MPP3: variants seen among roughly 807,000 people sequenced by gnomAD.
MPP3 encodes the protein MAGUK p55 subfamily member 3.
In MPP3, 48 loss-of-function variants were observed where a neutral mutation model predicts 80.7. The ratio of observed to expected loss-of-function variants is 0.59; its 90% CI spans 0.47 to 0.76. The LOEUF is 0.76. Among genes scored for constraint, MPP3 ranks in the 30% least tolerant of loss-of-function variants. MPP3 has a pLI of 0.00. For synonymous variants in MPP3, 311 were observed against 297.6 expected (o/e 1.04, Z -0.46); for missense variants, 620 against 763.0 (o/e 0.81, Z 2.21).
At chr17:43,823,784 G>C (rs1948566943) in intron 10 of MPP3, 147 bp downstream of exon 10, 3 of 586,260 alleles carry the variant, frequency 5.1e-6, no homozygotes. Flanking sequence ...CGGAATTAAA[G>C]TCCTCCACTG....
At chr17:43,832,013 A>AGTAGATGTGTAG in intron 2 of MPP3, 70 bp from the exon 3 acceptor site, 5 of 957,772 alleles carry the variant, frequency 5.2e-6, no homozygotes, top group Non-Finnish European at 8.3e-6. Flanking sequence ...CTGACTACAC[A>AGTAGATGTGTAG]TCTACTGTGT....
Position 43,827,767 on chromosome 17 carries a change from G to A in MPP3, c.507C>T (p.Gly169=), listed in dbSNP as rs560477482. The change falls in exon 8 of 20, where the codon GGC becomes GGT. Residue 169 remains glycine, a synonymous_variant. Coordinates refer to ENST00000398389, the MANE Select transcript of MPP3 (RefSeq NM_001932.6). ...AVVVARIMRG[G]AADRSGLVHV... Reference sequence around the variant, plus strand: ...GCCACTCACCGCTCCTGTCTGCTGCGCCTCCTCGCATGATCCTGGCCACCA... The same window carrying A: ...GCCACTCACCGCTCCTGTCTGCTGCACCTCCTCGCATGATCCTGGCCACCA... 138 of 1,611,854 alleles carry A rather than the reference G, an allele frequency of 8.6e-5. No homozygotes were observed. The East Asian group carries it at 2.4e-3, about 28-fold the overall frequency.
chr17:43,832,403 C>A (rs1207567425), intron 2 of MPP3, among the ~76,000 whole-genome samples: 1 of 152,112 alleles, frequency 6.6e-6, no homozygotes, highest in African/African-American at 2.4e-5. Flanking sequence ...TGCTGGGACA[C>A]ACCTTCCACA....
At chr17:43,803,953 C>T (rs993412400) in intron 19 of MPP3, among the ~76,000 whole-genome samples, 5 of 152,152 alleles carry the variant, frequency 3.3e-5, no homozygotes, top group Admixed American at 6.5e-5. Context: ...ATGACAAAAC[C>T]GGCCAGGCTG....
rs992719563 is a variant in MPP3 at position 43,817,548 on chromosome 17, A to C, written c.946+498T>G. 2.6e-5 allele frequency among the ~76,000 whole-genome samples: 4 copies of C among 152,306 alleles called. No homozygotes were observed. In the South Asian group the frequency reaches 8.3e-4, roughly 32 times the overall value. On this transcript the variant is annotated intron_variant, in intron 12 of 19. Transcript: ENST00000398389. ...ACTATAATAAAAACTACATAAAAAC[A>C]TACTTATACTAGAAACCAATCTGTC... is the stretch of plus-strand genomic sequence containing the variant.
intron 9 of MPP3, 139 bp downstream of exon 9, chr17:43,825,617 G>A (rs2045657755): frequency 3.1e-6 from 2 of 643,842 alleles, no homozygotes; most frequent in African/African-American, 1.8e-5. Flanking sequence ...ACTGTTAGGG[G>A]CACACCATAA....
At chr17:43,813,821 G>A (rs1332709197) in intron 16 of MPP3, among the ~76,000 whole-genome samples, 190 bp downstream of exon 16, 1 of 152,166 alleles carries the variant, frequency 6.6e-6, no homozygotes, top group Non-Finnish European at 1.5e-5. Flanking sequence ...CTGCCTCAGA[G>A]GGTCTCAGAG....
intron 14 of MPP3, among the ~76,000 whole-genome samples, chr17:43,814,788 A>G (rs1332790773): frequency 6.6e-6 from 1 of 152,238 alleles, no homozygotes; most frequent in East Asian, 1.9e-4. Flanking sequence ...TACATTTTAA[A>G]TTCTCAGAAT....
Position 43,829,860 on chromosome 17 carries a change from G to A in MPP3, c.304-69C>T, listed in dbSNP as rs374672798. On this transcript the variant is annotated intron_variant, in intron 6 of 19. Coordinates refer to ENST00000398389, the MANE Select transcript of MPP3 (RefSeq NM_001932.6). ...CAGGGTCAGCAGGCCGCAGCTGGCC[G>A]GTGGTATGGAGGGTGGCAGACGCCA... 133 of 1,604,716 alleles carry A rather than the reference G, an allele frequency of 8.3e-5. 1 individual carries two copies. The South Asian group carries it at 1.1e-3, about 13-fold the overall frequency.
chr17:43,825,822 A>T lies in MPP3; in HGVS notation c.543T>A (p.Asp181Glu). ...CGATCCCGTTCACTTCTCGGAGCTC[A>T]TCTCCAACGTGGACCAGGCCTAGGA... ...ADRSGLVHVG[D>E]ELREVNGIAV... The change falls in exon 9 of 20, where the codon GAT (aspartate) becomes GAA (glutamate). Residue 181 changes from aspartate to glutamate, a missense_variant. Asp to Glu is a conservative substitution (Grantham distance 45, BLOSUM62 2). Coordinates refer to ENST00000398389, the MANE Select transcript of MPP3 (RefSeq NM_001932.6). 6.2e-7 allele frequency: 1 copy of T among 1,611,156 alleles called. No homozygotes were observed.
intron 11 of MPP3, among the ~76,000 whole-genome samples, chr17:43,818,650 C>T (rs1243514931): frequency 6.6e-6 from 1 of 152,094 alleles, no homozygotes; most frequent in Non-Finnish European, 1.5e-5. Context: ...AAGGGCCGGG[C>T]GTGGTGGCTC....
At position 43,818,039 on chromosome 17, in the gene MPP3, T is replaced by C. The variant is rs747623457; in HGVS notation, c.946+7A>G. The C allele has an allele frequency of 1.3e-6, 2 of 1,579,378 alleles. No individual in the cohort carries two copies. The highest frequency in any genetic ancestry group is 1.8e-5 in the Admixed American group (1 of 55,858). On this transcript the variant is annotated splice_region_variant and intron_variant, in intron 12 of 19. Coordinates refer to ENST00000398389, the MANE Select transcript of MPP3 (RefSeq NM_001932.6). ...CCCTGGAGTGCCATCCCTGACAATC[T>C]ACTCACAGGGGGGCTTCCTGAGGCT...
intron 19 of MPP3, among the ~76,000 whole-genome samples, chr17:43,805,734 T>C (rs995147433): frequency 2.0e-5 from 3 of 152,230 alleles, no homozygotes; most frequent in Non-Finnish European, 4.4e-5. Flanking sequence ...ATGTTTAGAA[T>C]AGACAAATTT....
chr17:43,802,868 C>G (rs1040210093), intron 19 of MPP3, among the ~76,000 whole-genome samples: 3 of 152,132 alleles, frequency 2.0e-5, no homozygotes, highest in Admixed American at 1.3e-4. Flanking sequence ...ATATTCCCCC[C>G]TCTTCTCTGT....
At chr17:43,803,912 A>G (rs1239904427) in intron 19 of MPP3, among the ~76,000 whole-genome samples, 1 of 152,172 alleles carries the variant, frequency 6.6e-6, no homozygotes, top group Non-Finnish European at 1.5e-5. Flanking sequence ...GGAATGCAGC[A>G]TTCTGGTGGG....
Position 43,829,775 on chromosome 17 carries a change from T to G in MPP3, c.320A>C (p.His107Pro). 1 of 1,613,768 alleles carries G rather than the reference T, an allele frequency of 6.2e-7. No individual in the cohort carries two copies. The highest frequency in any genetic ancestry group is 8.5e-7 in the Non-Finnish European group (1 of 1,179,986). Residue 107 changes from histidine to proline, a missense_variant, in exon 7 of 20, where the codon CAT becomes CCT. Coordinates refer to ENST00000398389, the MANE Select transcript of MPP3 (RefSeq NM_001932.6). ...TPHLRAVLMV[H>P]DTVAQKNFDP... ...AAAATTCTTCTGGGCAACCGTGTCA[T>G]GTACCATGAGCACAGCCTGCCGGGA...
rs1199469495 is a variant in MPP3 at position 43,801,781 on chromosome 17, C to T, written c.1678G>A (p.Gly560Ser). The change falls in exon 20 of 20, where the codon GGT (glycine) becomes AGT (serine). Residue 560 changes from glycine to serine, a missense_variant. By Grantham distance (56) the Gly-to-Ser change is moderately conservative. Coordinates refer to ENST00000398389, the MANE Select transcript of MPP3 (RefSeq NM_001932.6). ...ACCACTTTGAGCTGGCTGTAGGCAC[C>T]CTGGAGATCCTCCTTCACCAGCACG... ...DAVLVKEDLQ[G>S]AYSQLKVVLE... 7 of 1,613,976 alleles carry T rather than the reference C, an allele frequency of 4.3e-6. No individual in the cohort carries two copies. Among genetic ancestry groups the T allele is most frequent in the Non-Finnish European group, 5.9e-6 (7 of 1,180,018 alleles).
intron 10 of MPP3, among the ~76,000 whole-genome samples, chr17:43,823,215 C>G (rs1258111974): frequency 6.6e-6 from 1 of 152,110 alleles, no homozygotes; most frequent in African/African-American, 2.4e-5. Context: ...CTTAACAAGG[C>G]ATTCGAGGCC....
At chr17:43,823,018 A>G (rs1156449307) in intron 10 of MPP3, among the ~76,000 whole-genome samples, 1 of 152,112 alleles carries the variant, frequency 6.6e-6, no homozygotes. Flanking sequence ...AGCAGGACTA[A>G]GCTCCAGCTG....
Sources: allele counts gnomAD v4.1 joint callset (sites outside exome capture counted in the v4.1 genomes callset), GRCh38; gene constraint gnomAD v4.1.1; transcripts MANE v1.5; gene names NCBI Gene and HGNC (gene_info 2026-07-23, HGNC 2026-07-21).